PTPRM: variants seen among roughly 807,000 people sequenced by gnomAD.
PTPRM encodes the protein receptor-type tyrosine-protein phosphatase mu.
Under a neutral mutation model 186.7 loss-of-function variants are expected in PTPRM, and 47 were observed. The observed-to-expected ratio is 0.25, with a 90% CI of 0.20 to 0.32. PTPRM has a LOEUF of 0.32. PTPRM is among the 10% of genes least tolerant of loss of function. The probability of loss-of-function intolerance (pLI) is 1.00; values close to 1 mark genes in which losing one functional copy is unlikely to be tolerated. For missense variants in PTPRM, 1,494 were observed against 1,865.0 expected, an observed-to-expected ratio of 0.80 and a Z score of 3.66; for synonymous variants, 668 against 674.9, an observed-to-expected ratio of 0.99 and a Z score of 0.16.
In PTPRM at chr18:8,152,544, C is replaced by T. The variant is rs543493849; in HGVS notation, c.2300+8765C>T. On this transcript the variant is annotated intron_variant, in intron 14 of 32. Coordinates refer to ENST00000580170, the MANE Select transcript of PTPRM (RefSeq NM_001105244.2). ...CATGTGCCGTTTATCTCTTTTTCTA[C>T]CCATCGTGTGATTCCTATCTTTATT... 1.5e-3 allele frequency among the ~76,000 whole-genome samples: 230 copies of T among 152,190 alleles called. 1 individual carries two copies. Among genetic ancestry groups the T allele is most frequent in the African/African-American group, 5.3e-3 (221 of 41,516 alleles).
At chr18:8,131,400 T>C (rs1008674912) in intron 13 of PTPRM, among the ~76,000 whole-genome samples, 1 of 152,220 alleles carries the variant, frequency 6.6e-6, no homozygotes, top group Non-Finnish European at 1.5e-5. Flanking sequence ...AATGCTGGTG[T>C]TGGTGATGCT....
chr18:8,229,757 C>G (rs2094261531), intron 14 of PTPRM, among the ~76,000 whole-genome samples: 1 of 152,116 alleles, frequency 6.6e-6, no homozygotes, highest in African/African-American at 2.4e-5. Flanking sequence ...TTGAGAAAGA[C>G]TAATTTTTAT....
rs376294645 is a variant in PTPRM, at chr18:8,076,446, C to A, written c.1442-9C>A. The A allele has an allele frequency of 2.5e-5, 38 of 1,491,692 alleles. No homozygotes were observed. The African/African-American group carries it at 4.8e-4, about 19-fold the overall frequency. The allele number at this position is 1,491,692 out of a possible 1,614,324, so 92.4% of individuals were successfully genotyped here. A position where few individuals can be genotyped will look rare whatever the true frequency, so the allele number is the denominator to read the frequency against. On this transcript the variant is annotated splice_polypyrimidine_tract_variant and intron_variant, in intron 8 of 32. Transcript: ENST00000580170. ...ACTTAAACATTTATTTCCTCCCACC[C>A]TCCTTTAGTCCCAGGTGCTGTTCCC...
chr18:8,028,440 G>T (rs757815043), intron 7 of PTPRM, among the ~76,000 whole-genome samples: 7 of 152,072 alleles, frequency 4.6e-5, no homozygotes, highest in East Asian at 1.9e-4. Context: ...TCTCACTCCC[G>T]GAAAATTTAT....
chr18:7,612,854 G>A (rs2037709223), intron 1 of PTPRM, among the ~76,000 whole-genome samples: 1 of 152,168 alleles, frequency 6.6e-6, no homozygotes, highest in Non-Finnish European at 1.5e-5. Flanking sequence ...AACTAATTGG[G>A]CTTACAAAGT....
At chr18:7,631,758 C>T (rs1487117556) in intron 1 of PTPRM, among the ~76,000 whole-genome samples, 1 of 152,082 alleles carries the variant, frequency 6.6e-6, no homozygotes, top group Non-Finnish European at 1.5e-5. Flanking sequence ...ACCGGGCACC[C>T]CTGGTCTAGA....
intron 2 of PTPRM, among the ~76,000 whole-genome samples, chr18:7,883,498 C>G (rs1383057946): frequency 6.6e-6 from 1 of 152,218 alleles, no homozygotes; most frequent in Non-Finnish European, 1.5e-5. Flanking sequence ...CAACACTTCT[C>G]TCCCTCCTGC....
At chr18:8,214,995 C>T (rs2094060062) in intron 14 of PTPRM, among the ~76,000 whole-genome samples, 1 of 152,170 alleles carries the variant, frequency 6.6e-6, no homozygotes, top group South Asian at 2.1e-4. Context: ...TAGGACTAAG[C>T]TTGACTATCT....
chr18:7,680,544 G>C (rs1350626904), intron 1 of PTPRM, among the ~76,000 whole-genome samples: 1 of 152,122 alleles, frequency 6.6e-6, no homozygotes, highest in Non-Finnish European at 1.5e-5. Flanking sequence ...TGACATTTCG[G>C]GTAGACGTAG....
rs1382266483 is a variant in PTPRM, at chr18:7,799,188, A to G, written c.196+24917A>G. Among the ~76,000 whole-genome samples the G allele has an allele frequency of 5.3e-5, 8 of 152,290 alleles. No homozygotes were observed. The East Asian group carries it at 7.7e-4, about 15-fold the overall frequency. On this transcript the variant is annotated intron_variant, in intron 2 of 32. Coordinates refer to ENST00000580170, the MANE Select transcript of PTPRM (RefSeq NM_001105244.2). ...TGTCTGGTGAAGGCTCACTGCTTCC[A>G]AGATAGTGCCTTGCTGCTGCATCCT... is the stretch of plus-strand genomic sequence containing the variant.
intron 3 of PTPRM, among the ~76,000 whole-genome samples, chr18:7,905,135 A>G (rs1395595663): frequency 1.3e-5 from 2 of 152,182 alleles, no homozygotes; most frequent in Non-Finnish European, 2.9e-5. Context: ...CTGGGATTAC[A>G]GGCGTATGCC....
chr18:7,652,353 C>T (rs1331256064), intron 1 of PTPRM, among the ~76,000 whole-genome samples: 1 of 152,062 alleles, frequency 6.6e-6, no homozygotes, highest in Non-Finnish European at 1.5e-5. Flanking sequence ...GGCGATTCCT[C>T]AGGGATCTAG....
chr18:7,884,391 G>C (rs907128032), intron 2 of PTPRM, among the ~76,000 whole-genome samples: 2 of 152,126 alleles, frequency 1.3e-5, no homozygotes, highest in Non-Finnish European at 1.5e-5. Context: ...GCTTGGCAGA[G>C]ACTTTTCCTC....
chr18:7,872,320 ACTTC>A (rs1171658504), intron 2 of PTPRM, among the ~76,000 whole-genome samples: 1 of 152,050 alleles, frequency 6.6e-6, no homozygotes, highest in Admixed American at 6.5e-5. Flanking sequence ...TATCCTTCCC[ACTTC>A]CTCATATCAC....
chr18:8,344,472 A>ATATATATATATATATATATATC (rs1161839943), intron 23 of PTPRM, among the ~76,000 whole-genome samples: 25 of 146,890 alleles, frequency 1.7e-4, no homozygotes, highest in African/African-American at 2.9e-4. Flanking sequence ...ATATATATAT[A>ATATATATATATATATATATATC]TATCTAGCAA....
chr18:7,877,423 T>C (rs937064026), intron 2 of PTPRM, among the ~76,000 whole-genome samples: 1 of 152,172 alleles, frequency 6.6e-6, no homozygotes, highest in African/African-American at 2.4e-5. Flanking sequence ...TACACATAAA[T>C]TTTATGGGTG....
chr18:7,956,738 C>T (rs1397679238), intron 7 of PTPRM, among the ~76,000 whole-genome samples: 2 of 152,214 alleles, frequency 1.3e-5, no homozygotes, highest in Non-Finnish European at 2.9e-5. Context: ...CTTTAAACCT[C>T]GTCATCTCCT....
chr18:8,266,273 C>T (rs1049937317), intron 19 of PTPRM, among the ~76,000 whole-genome samples: 1 of 149,496 alleles, frequency 6.7e-6, no homozygotes, highest in South Asian at 2.1e-4. Flanking sequence ...TCACCCAGTT[C>T]TTAAGAATCA....
intron 7 of PTPRM, among the ~76,000 whole-genome samples, chr18:7,987,019 C>A: frequency 6.6e-6 from 1 of 152,248 alleles, no homozygotes; most frequent in East Asian, 1.9e-4. Flanking sequence ...GAGCTTCCAG[C>A]CTCCATAACT....
Sources: gnomAD v4.1 joint callset for allele counts (sites outside exome capture counted in the v4.1 genomes callset) on GRCh38, gnomAD v4.1.1 for gene constraint, MANE v1.5 for transcripts, NCBI Gene and HGNC (gene_info 2026-07-23, HGNC 2026-07-21) for gene names.